The following CNTN1 variants were observed in gnomAD, a reference collection of about 807,000 sequenced individuals.
CNTN1 encodes the protein contactin-1.
CNTN1 carries 38 observed loss-of-function variants against 126.4 expected under a neutral mutation model. The observed-to-expected ratio is 0.30, with a 90% CI of 0.23 to 0.39. CNTN1 has a LOEUF of 0.39. CNTN1 is among the 10% of genes least tolerant of loss of function. CNTN1 has a pLI of 1.00. For missense variants in CNTN1, 1,009 were observed against 1,248.4 expected, an observed-to-expected ratio of 0.81 and a Z score of 2.89; for synonymous variants, 413 against 422.6, an observed-to-expected ratio of 0.98 and a Z score of 0.28.
chr12:40,732,956 A>G (rs1298968666), intron 1 of CNTN1, among the ~76,000 whole-genome samples: 2 of 152,004 alleles, frequency 1.3e-5, no homozygotes, highest in Non-Finnish European at 2.9e-5. Flanking sequence ...TGCAAAAGTT[A>G]CAACTGCCTT....
intron 1 of CNTN1, among the ~76,000 whole-genome samples, chr12:40,906,798 C>A (rs1944845096): frequency 6.6e-6 from 1 of 151,352 alleles, no homozygotes; most frequent in Admixed American, 6.6e-5. Context: ...CCTGCCTCAG[C>A]CTCCTGAGTA....
intron 15 of CNTN1, among the ~76,000 whole-genome samples, chr12:40,969,546 T>A (rs1349234443): frequency 6.6e-6 from 1 of 152,210 alleles, no homozygotes; most frequent in African/African-American, 2.4e-5. Context: ...CATGTTTAAC[T>A]GTACACTATA....
intron 1 of CNTN1, among the ~76,000 whole-genome samples, chr12:40,766,334 G>A (rs1277944893): frequency 6.8e-6 from 1 of 146,766 alleles, no homozygotes; most frequent in African/African-American, 2.5e-5. Flanking sequence ...TCCAGCCTGG[G>A]TGACGGAATG....
At chr12:40,912,947 A>C (rs1945096514) in intron 3 of CNTN1, among the ~76,000 whole-genome samples, 1 of 152,204 alleles carries the variant, frequency 6.6e-6, no homozygotes, top group Non-Finnish European at 1.5e-5. Flanking sequence ...ATTAGGATGT[A>C]GTAAGACGTG....
At chr12:40,970,658 T>C (rs547893929) in intron 15 of CNTN1, among the ~76,000 whole-genome samples, 1 of 152,184 alleles carries the variant, frequency 6.6e-6, no homozygotes, top group African/African-American at 2.4e-5. Context: ...ATACTGTTGT[T>C]AAATGATTAC....
chr12:40,812,480 T>C (rs563110730), intron 1 of CNTN1, among the ~76,000 whole-genome samples: 1 of 152,266 alleles, frequency 6.6e-6, no homozygotes, highest in Non-Finnish European at 1.5e-5. Flanking sequence ...CTGGATGATT[T>C]ATCCATTGTT....
At chr12:40,964,882 G>T (rs12367473) in intron 15 of CNTN1, among the ~76,000 whole-genome samples, 7,728 of 152,100 alleles carry the variant, frequency 0.051, 299 homozygotes, top group Non-Finnish European at 0.082. Flanking sequence ...CTTTTCTATG[G>T]AAAATGCTCT....
At chr12:40,955,638 C>A (rs982168028) in intron 14 of CNTN1, among the ~76,000 whole-genome samples, 6 of 151,952 alleles carry the variant, frequency 3.9e-5, no homozygotes, top group Admixed American at 2.6e-4. Flanking sequence ...TTGTTGAATT[C>A]TCTTGTATGT....
At chr12:41,034,190 A>G (rs903866926) in intron 23 of CNTN1, among the ~76,000 whole-genome samples, 5 of 152,166 alleles carry the variant, frequency 3.3e-5, no homozygotes, top group African/African-American at 9.7e-5. Flanking sequence ...CATTTTGTGT[A>G]TTTTGTCTTC....
chr12:40,852,370 C>T (rs1180801830), intron 1 of CNTN1, among the ~76,000 whole-genome samples: 1 of 152,060 alleles, frequency 6.6e-6, no homozygotes, highest in Non-Finnish European at 1.5e-5. Context: ...GGTTGATCAG[C>T]AATGCTTGGT....
chr12:40,939,297 A>C, intron 11 of CNTN1, 38 bp from the exon 12 acceptor site: 1 of 1,609,266 alleles, frequency 6.2e-7, no homozygotes, highest in African/African-American at 1.3e-5. Flanking sequence ...AGGCTTTACA[A>C]ACAGAAAGAG....
intron 1 of CNTN1, among the ~76,000 whole-genome samples, chr12:40,740,631 C>T (rs1013351338): frequency 6.6e-6 from 1 of 152,074 alleles, no homozygotes. Flanking sequence ...AGAGCTTCCT[C>T]TTGTCCCCTC....
At chr12:40,992,788 C>T (rs184114609) in intron 16 of CNTN1, among the ~76,000 whole-genome samples, 82 of 152,242 alleles carry the variant, frequency 5.4e-4, no homozygotes, top group African/African-American at 1.9e-3. Context: ...TTAGATTGCA[C>T]CTTCAGAATA....
intron 1 of CNTN1, among the ~76,000 whole-genome samples, chr12:40,855,765 C>T (rs1323914721): frequency 6.6e-6 from 1 of 151,886 alleles, no homozygotes; most frequent in African/African-American, 2.4e-5. Flanking sequence ...AATTTTAATC[C>T]CTCTACCTTT....
chr12:40,864,821 T>C (rs547225388), intron 1 of CNTN1, among the ~76,000 whole-genome samples: 9 of 152,152 alleles, frequency 5.9e-5, no homozygotes, highest in Non-Finnish European at 1.3e-4. Flanking sequence ...TGTGTAGATA[T>C]ATGTTTTTAT....
intron 1 of CNTN1, among the ~76,000 whole-genome samples, chr12:40,859,925 G>A (rs1482921949): frequency 6.6e-6 from 1 of 152,014 alleles, no homozygotes; most frequent in East Asian, 1.9e-4. Context: ...TATAGCTGAT[G>A]TCAGTAAAAA....
intron 20 of CNTN1, among the ~76,000 whole-genome samples, chr12:41,024,922 T>C (rs1359577404): frequency 6.6e-6 from 1 of 152,148 alleles, no homozygotes; most frequent in East Asian, 1.9e-4. Flanking sequence ...TGTAAAACAA[T>C]TTTGGGCAAT....
At chr12:40,981,319 C>T (rs1364069898) in intron 16 of CNTN1, among the ~76,000 whole-genome samples, 2 of 151,982 alleles carry the variant, frequency 1.3e-5, no homozygotes, top group African/African-American at 4.8e-5. Flanking sequence ...AAAATGAGGC[C>T]TCCTGGGTTT....
chr12:40,704,839 T>A lies in CNTN1; in HGVS notation c.-77+12247T>A, dbSNP rs186016730. Among the ~76,000 whole-genome samples, 90 of 152,308 alleles carry A rather than the reference T, an allele frequency of 5.9e-4. No individual in the cohort carries two copies. The East Asian group carries it at 0.011, about 19-fold the overall frequency. ...TCACCAGGCTGAGAATTTTTTTGTC[T>A]TATTTATTTTTACAATGGTAAAGTG... On this transcript the variant is annotated intron_variant, in intron 1 of 23. Coordinates refer to ENST00000551295, the MANE Select transcript of CNTN1 (RefSeq NM_001843.4).
Sources: allele counts gnomAD v4.1 joint callset (sites outside exome capture counted in the v4.1 genomes callset), GRCh38; gene constraint gnomAD v4.1.1; transcripts MANE v1.5; gene names NCBI Gene and HGNC (gene_info 2026-07-23, HGNC 2026-07-21).